AVPR2: variants seen among roughly 807,000 people sequenced by gnomAD.
The protein encoded by AVPR2 is vasopressin V2 receptor.
In AVPR2, 3 loss-of-function variants were observed where a neutral mutation model predicts 12.0. The ratio of observed to expected loss-of-function variants is 0.25; its 90% CI spans 0.11 to 0.64. The LOEUF (loss-of-function observed/expected upper bound fraction) is 0.64. Among genes scored for constraint, AVPR2 ranks in the 30% least tolerant of loss-of-function variants. The pLI is 0.84. For missense variants in AVPR2, 279 were observed against 347.9 expected (o/e 0.80, Z 1.58); for synonymous variants, 143 against 147.5 (o/e 0.97, Z 0.22).
rs193922112 is a variant in AVPR2, at chrX:153,905,682, T to C, written c.176T>C (p.Leu59Pro). 8.3e-7 allele frequency: 1 copy of C among 1,211,547 alleles called. No individual in the cohort carries two copies. The highest frequency in any genetic ancestry group is 1.1e-6 in the Non-Finnish European group (1 of 895,349). Reference sequence around the variant, plus strand: ...GTGGCCCTGAGCAATGGCCTGGTGCTGGCGGCCCTAGCTCGGCGGGGCCGG... The same window carrying C: ...GTGGCCCTGAGCAATGGCCTGGTGCCGGCGGCCCTAGCTCGGCGGGGCCGG... ...VAVALSNGLVLAALARRGRRG... is the reference protein window; with the variant it reads ...VAVALSNGLVPAALARRGRRG... The change falls in exon 3 of 4, where the codon CTG (leucine) becomes CCG (proline). Residue 59 changes from leucine to proline, a missense_variant. Transcript: ENST00000646375.
chrX:153,905,329 C>T (rs1321988547), intron 2 of AVPR2, among the ~76,000 whole-genome samples, 159 bp downstream of exon 2: 1 of 112,371 alleles, frequency 8.9e-6, no homozygotes, highest in Non-Finnish European at 1.9e-5. Context: ...CCCGCCAGGG[C>T]TGGGGCTGGG....
At chrX:153,903,692 T>C (rs1448211186), upstream of AVPR2, among the ~76,000 whole-genome samples, 1 of 111,711 alleles carries the variant, frequency 9.0e-6, no homozygotes, top group Non-Finnish European at 1.9e-5. Context: ...TGCCAGGCTC[T>C]CTGGGCAGGA....
upstream of AVPR2, chrX:153,902,843 G>T (rs781861638): frequency 3.2e-6 from 1 of 308,854 alleles, no homozygotes; most frequent in African/African-American, 2.6e-5. Context: ...GCACAGCCTC[G>T]TTCAGGCAGA....
chrX:153,905,598 C>A lies in AVPR2; in HGVS notation c.92C>A (p.Thr31Asn). 1 of 1,207,316 alleles carries A rather than the reference C, an allele frequency of 8.3e-7. No individual in the cohort carries two copies. Among genetic ancestry groups the A allele is most frequent in the East Asian group, 3.0e-5 (1 of 33,596 alleles). Residue 31 changes from threonine to asparagine, a missense_variant, in exon 3 of 4, where the codon ACC becomes AAC. Transcript: ENST00000646375. ...SNSSQERPLD[T>N]RDPLLARAEL... ...AGCAGCCAGGAGAGGCCACTGGACACCCGGGACCCGCTGCTAGCCCGGGCG... is the reference window on the plus strand; with the variant it reads ...AGCAGCCAGGAGAGGCCACTGGACAACCGGGACCCGCTGCTAGCCCGGGCG...
rs2064951582 is a variant in AVPR2 at position 153,904,870 on chromosome X, T to A, written c.-173+99T>A. The A allele has an allele frequency of 6.8e-6, 3 of 443,697 alleles. No individual in the cohort carries two copies. In the East Asian group the frequency reaches 1.1e-4, roughly 17 times the overall value. 36.6% of individuals were successfully genotyped at this position (443,697 alleles called of 1,213,427 possible). On this transcript the variant is annotated intron_variant, in intron 1 of 3. Coordinates refer to ENST00000646375, the MANE Select transcript of AVPR2 (RefSeq NM_000054.7). ...GGGGCAGGGGAGTTCTGCGTGTCTGTCTGGGGTGCCCACTCCCAAACCCGG... is the reference window on the plus strand; with the variant it reads ...GGGGCAGGGGAGTTCTGCGTGTCTGACTGGGGTGCCCACTCCCAAACCCGG...
At chrX:153,904,525 G>C (rs1053925910), upstream of AVPR2, among the ~76,000 whole-genome samples, 3 of 111,807 alleles carry the variant, frequency 2.7e-5, no homozygotes, top group Non-Finnish European at 5.7e-5. Context: ...GTAGGGTGAG[G>C]GTGGGCGTGG....
intron 1 of AVPR2, 24 bp downstream of exon 1, chrX:153,904,795 C>A: frequency 2.7e-6 from 1 of 368,722 alleles, no homozygotes; most frequent in South Asian, 3.6e-5. Flanking sequence ...CCTGCCTGCC[C>A]CCCTGCCCAG....
chrX:153,906,090 G>C lies in AVPR2; in HGVS notation c.584G>C (p.Cys195Ser). The change falls in exon 3 of 4, where the codon TGC becomes TCC. Residue 195 changes from cysteine to serine, a missense_variant. Coordinates refer to ENST00000646375, the MANE Select transcript of AVPR2 (RefSeq NM_000054.7). The part of the protein sequence containing the change: ...GGSGVTDCWA[C>S]FAEPWGRRTY... Reference sequence around the variant, plus strand: ...AGCGGGGTCACTGACTGCTGGGCCTGCTTTGCGGAGCCCTGGGGCCGTCGC... The same window carrying C: ...AGCGGGGTCACTGACTGCTGGGCCTCCTTTGCGGAGCCCTGGGGCCGTCGC... 1 of 1,212,230 alleles carries C rather than the reference G, an allele frequency of 8.2e-7. No individual in the cohort carries two copies. The highest frequency in any genetic ancestry group is 1.1e-6 in the Non-Finnish European group (1 of 895,573).
chrX:153,904,898 C>A, intron 1 of AVPR2, 76 bp from the exon 2 acceptor site: 1 of 470,158 alleles, frequency 2.1e-6, no homozygotes, highest in Admixed American at 2.9e-5. Context: ...AAACCCGGGA[C>A]TCATGGGCTG....
Position 153,906,858 on chromosome X carries a change from A to G in AVPR2, c.*130A>G, listed in dbSNP as rs1022058900. ...GAGCCTGTGGCCCCGAGGCTGGGAC[A>G]CTGTGTGGCCCTGGACAAGCCACAG... On this transcript the variant is annotated 3_prime_UTR_variant, in exon 4 of 4. Coordinates refer to ENST00000646375, the MANE Select transcript of AVPR2 (RefSeq NM_000054.7). 2 of 713,755 alleles carry G rather than the reference A, an allele frequency of 2.8e-6. No homozygotes were observed. Among genetic ancestry groups the G allele is most frequent in the African/African-American group, 4.3e-5 (2 of 47,029 alleles). 58.8% of individuals were successfully genotyped at this position (713,755 alleles called of 1,213,427 possible). A position where few individuals can be genotyped will look rare whatever the true frequency, so the allele number is the denominator to read the frequency against.
upstream of AVPR2, among the ~76,000 whole-genome samples, chrX:153,903,612 T>C (rs1306489050): frequency 1.8e-5 from 2 of 111,169 alleles, no homozygotes; most frequent in Non-Finnish European, 3.8e-5. Flanking sequence ...GTGTGGTGTG[T>C]GCGCTGTCTC....
chrX:153,906,249 G>A lies in AVPR2; in HGVS notation c.743G>A (p.Arg248His), dbSNP rs782790439. The change falls in exon 3 of 4, where the codon CGC becomes CAC. Residue 248 changes from arginine to histidine, a missense_variant. Arg to His is a conservative substitution (Grantham distance 29, BLOSUM62 0). Transcript: ENST00000646375. ...CCATCAGAGAGGCCTGGGGGGCGCC[G>A]CAGGGGACGCCGGACAGGCAGCCCC... Reference protein sequence around the residue: ...PGPSERPGGRRRGRRTGSPGE... With the variant: ...PGPSERPGGRHRGRRTGSPGE... The A allele has an allele frequency of 2.8e-5, 34 of 1,206,336 alleles. No homozygotes were observed. Among genetic ancestry groups the A allele is most frequent in the South Asian group, 2.1e-4 (12 of 56,909 alleles).
At chrX:153,903,938 T>C (rs1367113606), upstream of AVPR2, among the ~76,000 whole-genome samples, 2 of 100,675 alleles carry the variant, frequency 2.0e-5, no homozygotes, top group Non-Finnish European at 4.1e-5. Context: ...GAGAGAGGTG[T>C]TGGGGGAGGG....
rs1305955250 is a variant in AVPR2, at chrX:153,906,293, T to G, written c.787T>G (p.Ser263Ala). Residue 263 changes from serine (S) to alanine (A), a missense_variant, in exon 3 of 4, where the codon TCA (serine) becomes GCA (alanine). Physicochemically the swap from Ser to Ala is moderately conservative, Grantham distance 99. Transcript: ENST00000646375. ...TGSPGEGAHV[S>A]AAVAKTVRMT... ...CAGCCCCGGTGAGGGAGCCCACGTGTCAGCAGCTGTGGCCAAGACTGTGAG... is the reference window on the plus strand; with the variant it reads ...CAGCCCCGGTGAGGGAGCCCACGTGGCAGCAGCTGTGGCCAAGACTGTGAG... 5.8e-6 allele frequency: 7 copies of G among 1,210,913 alleles called. No homozygotes were observed. Among genetic ancestry groups the G allele is most frequent in the Non-Finnish European group, 7.8e-6 (7 of 895,311 alleles).
In AVPR2 at chrX:153,905,610, T is replaced by G. The variant is rs1557100443; in HGVS notation, c.104T>G (p.Leu35Arg). 8.3e-7 allele frequency: 1 copy of G among 1,209,723 alleles called. No homozygotes were observed. Among genetic ancestry groups the G allele is most frequent in the South Asian group, 1.8e-5 (1 of 56,712 alleles). ...AGGCCACTGGACACCCGGGACCCGC[T>G]GCTAGCCCGGGCGGAGCTGGCGCTG... ...QERPLDTRDPLLARAELALLS... is the reference protein window; with the variant it reads ...QERPLDTRDPRLARAELALLS... The change falls in exon 3 of 4, where the codon CTG becomes CGG. Residue 35 changes from leucine (L) to arginine (R), a missense_variant. Transcript: ENST00000646375.
intron 2 of AVPR2, 40 bp from the exon 3 acceptor site, chrX:153,905,492 C>A: frequency 8.8e-7 from 1 of 1,142,173 alleles, no homozygotes. Context: ...CCCTGCACAG[C>A]ACCCTCTCTA....
upstream of AVPR2, chrX:153,902,764 G>T (rs1270849654): frequency 3.0e-6 from 1 of 328,364 alleles, no homozygotes; most frequent in African/African-American, 2.6e-5. Flanking sequence ...AGTCCAGGGG[G>T]GCAGAGATTG....
intron 3 of AVPR2, 24 bp downstream of exon 3, chrX:153,906,440 T>C (rs1557100985): frequency 2.5e-6 from 3 of 1,201,475 alleles, no homozygotes; most frequent in Non-Finnish European, 3.4e-6. Flanking sequence ...TGGCTAGGGC[T>C]GACGGGGCCA....
Position 153,905,622 on chromosome X carries a change from C to A in AVPR2, c.116C>A (p.Ala39Glu). ...LDTRDPLLAR[A>E]ELALLSIVFV... The stretch of plus-strand genomic sequence containing the variant: ...ACCCGGGACCCGCTGCTAGCCCGGG[C>A]GGAGCTGGCGCTGCTCTCCATAGTC... Residue 39 changes from alanine (A) to glutamate (E), a missense_variant, in exon 3 of 4, where the codon GCG becomes GAG. Coordinates refer to ENST00000646375, the MANE Select transcript of AVPR2 (RefSeq NM_000054.7). The A allele has an allele frequency of 8.3e-7, 1 of 1,210,384 alleles. No individual in the cohort carries two copies. Among genetic ancestry groups the A allele is most frequent in the Non-Finnish European group, 1.1e-6 (1 of 894,915 alleles).
Sources: gnomAD v4.1 joint callset for allele counts (sites outside exome capture counted in the v4.1 genomes callset) on GRCh38, gnomAD v4.1.1 for gene constraint, MANE v1.5 for transcripts, NCBI Gene and HGNC (gene_info 2026-07-23, HGNC 2026-07-21) for gene names.